Variants in DLG5 observed in about 807,000 individuals in gnomAD.
DLG5 encodes the protein discs large MAGUK scaffold protein 5.
A neutral mutation model predicts 189.8 loss-of-function variants in DLG5; 48 were observed. The ratio of observed to expected loss-of-function variants is 0.25; its 90% CI spans 0.20 to 0.32. The LOEUF is 0.32. Ranked by LOEUF, DLG5 falls within the 10% of genes least tolerant of loss-of-function variation. DLG5 has a pLI of 1.00. For missense variants in DLG5, 2,160 were observed against 2,544.7 expected (o/e 0.85, Z 3.25); for synonymous variants, 1,016 against 1,054.1 (o/e 0.96, Z 0.70).
intron 24 of DLG5, 49 bp from the exon 25 acceptor site, chr10:77,807,993 G>A (rs756049450): frequency 1.2e-6 from 2 of 1,609,750 alleles, no homozygotes; most frequent in Non-Finnish European, 1.7e-6. Flanking sequence ...CCAGGGGGCA[G>A]CTTGGGCACC....
intron 2 of DLG5, among the ~76,000 whole-genome samples, chr10:77,867,265 CT>C (rs1844720371): frequency 1.3e-5 from 2 of 152,174 alleles, no homozygotes; most frequent in South Asian, 4.1e-4. Context: ...CTGGAATCCC[CT>C]TTTAGAATGC....
In DLG5 at chr10:77,817,652, G is replaced by A. The variant is rs544013251; in HGVS notation, c.3784+125C>T. 62 of 777,622 alleles carry A rather than the reference G, an allele frequency of 8.0e-5. No homozygotes were observed. In the African/African-American group the frequency reaches 1.1e-3, roughly 13 times the overall value. 48.2% of individuals were successfully genotyped at this position (777,622 alleles called of 1,614,324 possible). On this transcript the variant is annotated intron_variant, in intron 18 of 31. Transcript: ENST00000372391. The stretch of plus-strand genomic sequence containing the variant: ...GCAGCCCTTCCCAGTAGAGAAATGA[G>A]CTCAGTCCCAGGAGGTGACAGGAGC...
intron 2 of DLG5, among the ~76,000 whole-genome samples, chr10:77,859,070 A>T (rs2801824): frequency 0.25 from 38,641 of 151,942 alleles, 5,480 homozygotes; most frequent in Admixed American, 0.39. Flanking sequence ...GAGACGGGGT[A>T]TCGCTATGTT....
rs772606232 is a variant in DLG5 at position 77,856,793 on chromosome 10, C to T, written c.473G>A (p.Arg158Gln). 20 of 1,613,536 alleles carry T rather than the reference C, an allele frequency of 1.2e-5. No homozygotes were observed. The South Asian group carries it at 1.5e-4, about 12-fold the overall frequency. The change falls in exon 3 of 32, where the codon CGG becomes CAG. Residue 158 changes from arginine to glutamine, a missense_variant. Physicochemically the swap from Arg to Gln is conservative, Grantham distance 43. Transcript: ENST00000372391. The part of the protein sequence containing the change: ...NLSIQLRLMT[R>Q]ERNELRKRLA... ...GCGCTTGCGGAGCTCGTTTCTCTCC[C>T]GGGTCATCAGCCGCAGCTGAATGGA...
At position 77,796,012 on chromosome 10, in the gene DLG5, AG is replaced by A; in HGVS notation, c.5436+48del. 6.2e-7 allele frequency: 1 copy of A among 1,613,032 alleles called. No homozygotes were observed. Among genetic ancestry groups the A allele is most frequent in the Non-Finnish European group, 8.5e-7 (1 of 1,179,334 alleles). ...GGACCAGGGGCCTAGACCTGTGCAC[AG>A]GAGGTCTAATACTGGATGCCTAATC... is the stretch of plus-strand genomic sequence containing the variant. On this transcript the variant is annotated intron_variant, in intron 29 of 31. Coordinates refer to ENST00000372391, the MANE Select transcript of DLG5 (RefSeq NM_004747.4). The surrounding 1 kb of genome is among the most constrained non-coding windows in gnomAD (Gnocchi z 5.2).
At chr10:77,936,441 CAAAACAAAAAAA>C in the DLG5 span, among the ~76,000 whole-genome samples, 5,586 of 87,846 alleles carry the variant, frequency 0.064, 145 homozygotes, top group Middle Eastern at 0.08. Context: ...CGTCTCAAAA[CAAAACAAAAAAA>C]AAAAAAAAAA....
intron 20 of DLG5, chr10:77,816,306 C>T: frequency 2.9e-6 from 2 of 701,626 alleles, no homozygotes; most frequent in Admixed American, 4.0e-5. Context: ...GCACGATCAC[C>T]GTCAGGTCAT....
intron 24 of DLG5, 50 bp downstream of exon 24, chr10:77,809,497 C>T (rs761246057): frequency 2.6e-6 from 4 of 1,549,708 alleles, no homozygotes; most frequent in Non-Finnish European, 3.5e-6. Flanking sequence ...GCAGCAAGCC[C>T]ACTGTGCAGG....
At chr10:77,841,769 C>A in intron 7 of DLG5, 112 bp downstream of exon 7, 1 of 1,261,668 alleles carries the variant, frequency 7.9e-7, no homozygotes, top group Non-Finnish European at 1.1e-6. Flanking sequence ...CAGTGAGAAG[C>A]CATTTACTCC....
At chr10:77,848,027 A>C (rs1265162304) in intron 5 of DLG5, among the ~76,000 whole-genome samples, 1 of 152,122 alleles carries the variant, frequency 6.6e-6, no homozygotes. Context: ...TTTTCCACTC[A>C]GGCAGGCAGC....
intron 1 of DLG5, among the ~76,000 whole-genome samples, chr10:77,907,547 C>A (rs749111984): frequency 6.6e-6 from 1 of 152,156 alleles, no homozygotes; most frequent in Non-Finnish European, 1.5e-5. Flanking sequence ...CCACTGCACT[C>A]CAGCCTGGGC....
Position 77,811,212 on chromosome 10 carries a change from T to G in DLG5, c.4345A>C (p.Thr1449Pro). Residue 1449 changes from threonine to proline, a missense_variant, in exon 23 of 32, where the codon ACC becomes CCC. Physicochemically the swap from Thr to Pro is conservative, Grantham distance 38. Coordinates refer to ENST00000372391, the MANE Select transcript of DLG5 (RefSeq NM_004747.4). ...RSSSHLDPAG[T>P]HSTLQGSGTT... ...CCACTGCCCTGGAGAGTGGAGTGGG[T>G]ACCGGCAGGGTCCAGGTGTGAGCTG... The G allele has an allele frequency of 1.2e-6, 2 of 1,612,950 alleles. No homozygotes were observed. Among genetic ancestry groups the G allele is most frequent in the Non-Finnish European group, 1.7e-6 (2 of 1,179,830 alleles).
Position 77,816,707 on chromosome 10 carries a change from G to A in DLG5, c.3875-6C>T, listed in dbSNP as rs564806996. 2 of 1,599,730 alleles carry A rather than the reference G, an allele frequency of 1.3e-6. No homozygotes were observed. The highest frequency in any genetic ancestry group is 1.7e-5 in the Admixed American group (1 of 59,034). ...TTCAGAATGTGACACTGAACCTGCA[G>A]AGAGGAGCGGGTAATGCCGGTGTGA... On this transcript the variant is annotated splice_region_variant and splice_polypyrimidine_tract_variant and intron_variant, in intron 19 of 31. Transcript: ENST00000372391.
rs12243930 is a variant in DLG5 at position 77,856,762 on chromosome 10, G to T, written c.504C>A (p.Ala168=). Residue 168 remains alanine, a synonymous_variant, in exon 3 of 32, where the codon GCC becomes GCA. Coordinates refer to ENST00000372391, the MANE Select transcript of DLG5 (RefSeq NM_004747.4). ...RERNELRKRL[A]FATHGTAFDK... ...CAAAGGCCGTGCCATGCGTAGCAAA[G>T]GCCAGGCGCTTGCGGAGCTCGTTTC... The T allele has an allele frequency of 1.4e-5, 23 of 1,613,524 alleles. No individual in the cohort carries two copies. The African/African-American group carries it at 2.5e-4, about 18-fold the overall frequency.
intron 1 of DLG5, among the ~76,000 whole-genome samples, chr10:77,901,822 C>T (rs551416547): frequency 2.6e-5 from 4 of 152,330 alleles, no homozygotes; most frequent in East Asian, 1.9e-4. Context: ...GCTGGAAAGA[C>T]GAGCTCTCTG....
intron 3 of DLG5, 112 bp downstream of exon 3, chr10:77,856,618 G>A (rs889995212): frequency 3.9e-5 from 53 of 1,372,602 alleles, no homozygotes; most frequent in Non-Finnish European, 5.0e-5. Flanking sequence ...GGACACTCAG[G>A]CAGCGCAGCC....
chr10:77,875,565 C>T (rs1211752278), intron 1 of DLG5, among the ~76,000 whole-genome samples: 1 of 152,150 alleles, frequency 6.6e-6, no homozygotes, highest in African/African-American at 2.4e-5. Context: ...GTGCTGCCTG[C>T]AGAGGGGAGT....
chr10:77,924,572 T>A (rs927608002), intron 1 of DLG5, among the ~76,000 whole-genome samples: 1 of 152,202 alleles, frequency 6.6e-6, no homozygotes, highest in Non-Finnish European at 1.5e-5. Flanking sequence ...ATAGATTAGA[T>A]AGATACATAG....
Position 77,819,344 on chromosome 10 carries a change from A to C in DLG5, c.3648T>G (p.Ala1216=). The change falls in exon 17 of 32, where the codon GCT becomes GCG. Residue 1216 remains alanine, a synonymous_variant. Transcript: ENST00000372391. ...ACCTGGGATGCAAACCCTGGGGGCCAGCATCTCGGGCCGCAGGTGGAGAGC... is the reference window on the plus strand; with the variant it reads ...ACCTGGGATGCAAACCCTGGGGGCCCGCATCTCGGGCCGCAGGTGGAGAGC... ...PCSSPPAARD[A]GPQGLHPSVQ... 1 of 1,614,030 alleles carries C rather than the reference A, an allele frequency of 6.2e-7. No individual in the cohort carries two copies. The highest frequency in any genetic ancestry group is 8.5e-7 in the Non-Finnish European group (1 of 1,180,008).
Sources: allele counts gnomAD v4.1 joint callset (sites outside exome capture counted in the v4.1 genomes callset), GRCh38; gene constraint gnomAD v4.1.1; non-coding constraint Gnocchi (gnomAD v3.1); transcripts MANE v1.5; gene names NCBI Gene and HGNC (gene_info 2026-07-23, HGNC 2026-07-21).